The following PAX2 variants were observed in gnomAD, a reference collection of about 807,000 sequenced individuals.
The protein encoded by PAX2 is paired box protein Pax-2.
In PAX2, 9 loss-of-function variants were observed where a neutral mutation model predicts 41.7. The observed-to-expected ratio is 0.22, with a 90% CI of 0.13 to 0.38. The LOEUF (loss-of-function observed/expected upper bound fraction) is 0.38, where lower values mean the gene tolerates loss of function less well. Ranked by LOEUF, PAX2 falls within the 10% of genes least tolerant of loss-of-function variation. PAX2 has a pLI of 1.00. For missense variants in PAX2, 418 were observed against 531.6 expected, an observed-to-expected ratio of 0.79 and a Z score of 2.10; for synonymous variants, 221 against 212.7, an observed-to-expected ratio of 1.04 and a Z score of -0.34.
intron 1 of PAX2, 101 bp from the exon 2 acceptor site, chr10:100,749,645 G>T: frequency 6.6e-7 from 1 of 1,522,066 alleles, no homozygotes; most frequent in Non-Finnish European, 8.8e-7. Context: ...ATGCCCTTCC[G>T]CCCTGCCTGC....
chr10:100,745,880 G>C lies in PAX2; in HGVS notation c.-381G>C. On this transcript the variant is annotated 5_prime_UTR_variant, in exon 1 of 10. Transcript: ENST00000355243. ...GCGCGCTCTCCGACCACCGCCTCTC[G>C]GATGACCAGGTTCCAGGGGAGCTGA... 9.3e-7 allele frequency: 1 copy of C among 1,070,986 alleles called. No individual in the cohort carries two copies. The allele number at this position is 1,070,986 out of a possible 1,614,324, so 66.3% of individuals were successfully genotyped here.
chr10:100,758,781 G>A (rs1845731760), intron 3 of PAX2, among the ~76,000 whole-genome samples: 1 of 152,236 alleles, frequency 6.6e-6, no homozygotes, highest in Non-Finnish European at 1.5e-5. Context: ...AGCAGCCTTT[G>A]GTTGACCTGA....
chr10:100,826,008 G>T lies in PAX2; in HGVS notation c.1022-1001G>T, dbSNP rs1017872836. On this transcript the variant is annotated intron_variant, in intron 8 of 9. Transcript: ENST00000355243. This position sits in a 1 kb window ranked among gnomAD's most constrained non-coding sequence, Gnocchi z 5.5. ...CAGGGAGGTGGGGAAGAGGGGAGCC[G>T]CAGAGAGCTCGTGGTGTCGAGGGGG... Among the ~76,000 whole-genome samples, 1 of 151,858 alleles carries T rather than the reference G, an allele frequency of 6.6e-6. No individual in the cohort carries two copies. The highest frequency in any genetic ancestry group is 1.9e-4 in the East Asian group (1 of 5,174).
rs1848684220 is a variant in PAX2, at chr10:100,828,948, C to T, written c.*1329C>T. 1 of 149,348 alleles carries T rather than the reference C, an allele frequency of 6.7e-6. No homozygotes were observed. Among genetic ancestry groups the T allele is most frequent in the Non-Finnish European group, 1.4e-5 (1 of 69,454 alleles). The allele number at this position is 149,348 out of a possible 1,614,324, so 9.3% of individuals were successfully genotyped here. A position where few individuals can be genotyped will look rare whatever the true frequency, so the allele number is the denominator to read the frequency against. The stretch of plus-strand genomic sequence containing the variant: ...CCCGCCCCGCCCGGCCCCGTAGAGT[C>T]CCTGTCGCCCGCCGGCCCTGCCTGT... On this transcript the variant is annotated 3_prime_UTR_variant, in exon 10 of 10. Coordinates refer to ENST00000355243, the MANE Select transcript of PAX2 (RefSeq NM_000278.5). This position sits in a 1 kb window ranked among gnomAD's most constrained non-coding sequence, Gnocchi z 6.5.
chr10:100,757,437 C>A (rs1845673969), intron 3 of PAX2, among the ~76,000 whole-genome samples: 1 of 152,238 alleles, frequency 6.6e-6, no homozygotes, highest in African/African-American at 2.4e-5. Context: ...ACTCTATAGT[C>A]CAGTTAACCC....
intron 3 of PAX2, among the ~76,000 whole-genome samples, chr10:100,771,660 G>T (rs1027793695): frequency 1.3e-5 from 2 of 152,172 alleles, no homozygotes; most frequent in African/African-American, 4.8e-5. Flanking sequence ...AGGTTCTGCT[G>T]TGAAAAGTCT....
chr10:100,761,713 G>A (rs1197474657), intron 3 of PAX2, among the ~76,000 whole-genome samples: 1 of 152,208 alleles, frequency 6.6e-6, no homozygotes, highest in Admixed American at 6.5e-5. Flanking sequence ...TCCAGGAGTG[G>A]AGTGATGGGC....
At chr10:100,809,380 T>A in intron 7 of PAX2, 144 bp downstream of exon 7, 2 of 802,892 alleles carry the variant, frequency 2.5e-6, no homozygotes, top group Non-Finnish European at 4.1e-6. Flanking sequence ...GGGTGCTTCC[T>A]GAACAGGGGT....
chr10:100,745,311 C>G (rs189583453), upstream of PAX2, among the ~76,000 whole-genome samples: 184 of 152,174 alleles, frequency 1.2e-3, no homozygotes, highest in Admixed American at 4.4e-3. Context: ...TCCCCCGGTC[C>G]GCTCCCCTCC....
At chr10:100,781,124 T>C in intron 4 of PAX2, 122 bp from the exon 5 acceptor site, 1 of 914,454 alleles carries the variant, frequency 1.1e-6, no homozygotes, top group Non-Finnish European at 1.8e-6. Context: ...GAGAGGAACG[T>C]GGGCTCCTCA....
chr10:100,807,059 G>C (rs1233094673), intron 6 of PAX2, among the ~76,000 whole-genome samples: 3 of 152,060 alleles, frequency 2.0e-5, no homozygotes, highest in African/African-American at 7.3e-5. Flanking sequence ...AGTGTCAGGA[G>C]AGCCTGCCTG....
chr10:100,764,113 C>T (rs996319895), intron 3 of PAX2, among the ~76,000 whole-genome samples: 3 of 145,370 alleles, frequency 2.1e-5, no homozygotes, highest in African/African-American at 5.1e-5. Flanking sequence ...ATGCATTCTG[C>T]TTTGTGTATG....
Position 100,750,945 on chromosome 10 carries a change from T to C in PAX2, c.410+54T>C. The C allele has an allele frequency of 7.3e-7, 1 of 1,360,666 alleles. No individual in the cohort carries two copies. The allele number at this position is 1,360,666 out of a possible 1,614,324, so 84.3% of individuals were successfully genotyped here. On this transcript the variant is annotated intron_variant, in intron 3 of 9. Transcript: ENST00000355243. This position sits in a 1 kb window ranked among gnomAD's most constrained non-coding sequence, Gnocchi z 4.1. ...TGGACTCCAGCTCCTGGCTCCTGCC[T>C]GCAGGGGTGTCCCACGCCCAGTCTC...
chr10:100,825,867 G>T (rs1417362626), intron 8 of PAX2, among the ~76,000 whole-genome samples: 3 of 151,520 alleles, frequency 2.0e-5, no homozygotes, highest in Non-Finnish European at 2.9e-5. Context: ...TAGAAGCCTT[G>T]TTGGGAGGCA....
chr10:100,777,097 AT>A (rs532321832), intron 3 of PAX2, among the ~76,000 whole-genome samples: 7,705 of 122,324 alleles, frequency 0.063, 137 homozygotes, highest in Middle Eastern at 0.086. Context: ...TGGTACTGTG[AT>A]TTTTTTTTTT....
At chr10:100,802,004 T>C (rs1847581416) in intron 5 of PAX2, among the ~76,000 whole-genome samples, 1 of 152,190 alleles carries the variant, frequency 6.6e-6, no homozygotes, top group Non-Finnish European at 1.5e-5. Flanking sequence ...ATAACAGCAA[T>C]GGCATGTAAT....
chr10:100,776,482 C>T (rs145547280), intron 3 of PAX2, among the ~76,000 whole-genome samples: 1 of 152,228 alleles, frequency 6.6e-6, no homozygotes, highest in Non-Finnish European at 1.5e-5. Flanking sequence ...GCCATTTCCT[C>T]TGCAATTAAT....
chr10:100,777,918 C>A (rs1447210557), intron 3 of PAX2, among the ~76,000 whole-genome samples: 1 of 152,194 alleles, frequency 6.6e-6, no homozygotes, highest in African/African-American at 2.4e-5. Context: ...TCCTCTTAGT[C>A]CCTTGCCTGT....
At chr10:100,816,785 T>G (rs1848199881) in intron 7 of PAX2, among the ~76,000 whole-genome samples, 1 of 152,196 alleles carries the variant, frequency 6.6e-6, no homozygotes, top group African/African-American at 2.4e-5. Context: ...GCCTTCAGCC[T>G]GAATCCTCCC....
Sources: gnomAD v4.1 joint callset for allele counts (sites outside exome capture counted in the v4.1 genomes callset) on GRCh38, gnomAD v4.1.1 for gene constraint, Gnocchi (gnomAD v3.1) non-coding constraint, MANE v1.5 for transcripts, NCBI Gene and HGNC (gene_info 2026-07-23, HGNC 2026-07-21) for gene names.